The following HEATR6 variants were observed in gnomAD, a reference collection of about 807,000 sequenced individuals.
The protein encoded by HEATR6 is HEAT repeat containing 6.
A neutral mutation model predicts 132.8 loss-of-function variants in HEATR6; 106 were observed. The ratio of observed to expected loss-of-function variants is 0.80; its 90% CI spans 0.68 to 0.94. HEATR6 has a LOEUF of 0.94. Ranked by LOEUF, HEATR6 falls within the 40% of genes least tolerant of loss-of-function variation. The probability of loss-of-function intolerance (pLI) is 0.00; values close to 1 mark genes in which losing one functional copy is unlikely to be tolerated. For synonymous variants in HEATR6, 529 were observed against 537.8 expected (o/e 0.98, Z 0.23); for missense variants, 1,339 against 1,425.1 (o/e 0.94, Z 0.97).
In HEATR6 at chr17:60,066,839, C is replaced by T. The variant is rs149370307; in HGVS notation, c.1239-453G>A. On this transcript the variant is annotated intron_variant, in intron 8 of 19. Coordinates refer to ENST00000184956, the MANE Select transcript of HEATR6 (RefSeq NM_022070.5). ...TTAAGGAGATAACTATCACATGTTA[C>T]GAATAACACCAAGGCAGAAAAGGCT... Among the ~76,000 whole-genome samples, 287 of 152,186 alleles carry T rather than the reference C, an allele frequency of 1.9e-3. 2 individuals carry two copies. The highest frequency in any genetic ancestry group is 2.7e-3 in the Non-Finnish European group (183 of 68,010).
chr17:60,057,395 C>A lies in HEATR6; in HGVS notation c.1732G>T (p.Val578Phe). ...AAGAGTGTGAGACTTGACACACGAA[C>A]ATTAACATCTGTCAAAGGAAGCAGT... ...KPYIRHKDVN[V>F]RVSSLTLLGA... Residue 578 changes from valine to phenylalanine, a missense_variant, in exon 12 of 20, where the codon GTT becomes TTT. Physicochemically the swap from Val to Phe is conservative, Grantham distance 50 (BLOSUM62 -1). Transcript: ENST00000184956. 1 of 1,585,124 alleles carries A rather than the reference C, an allele frequency of 6.3e-7. No individual in the cohort carries two copies. Among genetic ancestry groups the A allele is most frequent in the East Asian group, 2.2e-5 (1 of 44,582 alleles).
chr17:60,057,485 A>C lies in HEATR6; in HGVS notation c.1724-82T>G, dbSNP rs1303553607. On this transcript the variant is annotated intron_variant, in intron 11 of 19. Coordinates refer to ENST00000184956, the MANE Select transcript of HEATR6 (RefSeq NM_022070.5). ...TAGTTATCCCAGCAGGCAATTAAAA[A>C]TTAGTAGTTCCTTGTGTAACCTGAA... is the stretch of plus-strand genomic sequence containing the variant. 4.3e-6 allele frequency: 4 copies of C among 920,222 alleles called. No homozygotes were observed. The Admixed American group carries it at 1.0e-4, about 24-fold the overall frequency. The allele number at this position is 920,222 out of a possible 1,614,324, so 57.0% of individuals were successfully genotyped here.
chr17:60,078,539 G>A (rs765668877), intron 1 of HEATR6, among the ~76,000 whole-genome samples, 157 bp downstream of exon 1: 8 of 152,178 alleles, frequency 5.3e-5, no homozygotes, highest in Non-Finnish European at 8.8e-5. Flanking sequence ...TCCAAATGGA[G>A]AACTAAGAAT....
chr17:60,045,951 A>T, intron 19 of HEATR6, 74 bp downstream of exon 19: 1 of 1,121,044 alleles, frequency 8.9e-7, no homozygotes, highest in Non-Finnish European at 1.3e-6. Context: ...TGTGACAAAC[A>T]TCTTTAACAA....
At position 60,052,649 on chromosome 17, in the gene HEATR6, A is replaced by C. The variant is rs576318276; in HGVS notation, c.2290-1672T>G. On this transcript the variant is annotated intron_variant, in intron 14 of 19. Transcript: ENST00000184956. ...ACTGCAAGGATGACAGAAATTGTGA[A>C]GGGAAAAGAATAGGCAGAATGCAAA... 4.6e-4 allele frequency among the ~76,000 whole-genome samples: 70 copies of C among 152,340 alleles called. No homozygotes were observed. The South Asian group carries it at 5.2e-3, about 11-fold the overall frequency.
intron 1 of HEATR6, 27 bp downstream of exon 1, chr17:60,078,669 C>G (rs1228114637): frequency 6.6e-7 from 1 of 1,521,026 alleles, no homozygotes; most frequent in East Asian, 2.5e-5. Flanking sequence ...GGGGCCGGGG[C>G]CGGGGCCAGC....
rs1418466486 is a variant in HEATR6 at position 60,050,879 on chromosome 17, CAG to C, written c.2386_2387del (p.Leu796ValfsTer14). The stretch of plus-strand genomic sequence containing the variant: ...TGAAGGCCTCTGGCAAGATGGAAGA[CAG>C]GGCATCACAGGCGCTCGCCTGGAGA... ...PTLQASACDA[L>X]SSILPEAFSN... is the part of the protein sequence containing the mutation. On this transcript the variant is annotated frameshift_variant, in exon 15 of 20. Transcript: ENST00000184956. LOFTEE classifies it high-confidence loss of function. The C allele has an allele frequency of 1.9e-6, 3 of 1,614,084 alleles. No homozygotes were observed. The highest frequency in any genetic ancestry group is 1.3e-5 in the African/African-American group (1 of 74,934).
At chr17:60,045,909 T>C (rs1195269243) in intron 19 of HEATR6, 116 bp downstream of exon 19, 2 of 751,032 alleles carry the variant, frequency 2.7e-6, no homozygotes, top group African/African-American at 3.5e-5. Flanking sequence ...TCAGTATGTC[T>C]CCATTTTTTC....
At chr17:60,073,677 G>A in intron 3 of HEATR6, 69 bp downstream of exon 3, 1 of 1,468,072 alleles carries the variant, frequency 6.8e-7, no homozygotes, top group South Asian at 1.2e-5. Flanking sequence ...ATAGAAACCT[G>A]AACACAGTGT....
chr17:60,054,349 C>T (rs1223516168), intron 14 of HEATR6, among the ~76,000 whole-genome samples: 1 of 152,256 alleles, frequency 6.6e-6, no homozygotes, highest in African/African-American at 2.4e-5. Context: ...AAGCCTGCCA[C>T]AGGGACAGAG....
At position 60,059,527 on chromosome 17, in the gene HEATR6, A is replaced by G; in HGVS notation, c.1624-6T>C. On this transcript the variant is annotated splice_polypyrimidine_tract_variant and splice_region_variant and intron_variant, in intron 10 of 19. Transcript: ENST00000184956. The stretch of plus-strand genomic sequence containing the variant: ...GATACTAAATTTGCAAGGCACTGTA[A>G]AACACAAAAAGTAGCTCATCAAAAG... 1 of 1,596,032 alleles carries G rather than the reference A, an allele frequency of 6.3e-7. No individual in the cohort carries two copies. The highest frequency in any genetic ancestry group is 8.6e-7 in the Non-Finnish European group (1 of 1,166,680).
intron 14 of HEATR6, among the ~76,000 whole-genome samples, chr17:60,055,259 G>GT (rs1906705993): frequency 6.6e-6 from 1 of 151,990 alleles, no homozygotes; most frequent in Non-Finnish European, 1.5e-5. Context: ...AAAAAACTAG[G>GT]TTTTATGCAA....
intron 2 of HEATR6, 24 bp from the exon 3 acceptor site, chr17:60,073,910 T>C (rs367772515): frequency 1.2e-6 from 2 of 1,606,122 alleles, no homozygotes; most frequent in Non-Finnish European, 1.7e-6. Flanking sequence ...AAAAGATATA[T>C]TCTGATCTAA....
chr17:60,055,238 C>G (rs569719395), intron 14 of HEATR6, among the ~76,000 whole-genome samples: 18 of 152,252 alleles, frequency 1.2e-4, no homozygotes, highest in African/African-American at 4.1e-4. Context: ...CCAGATAAAC[C>G]TCTTTTGCAT....
At chr17:60,073,333 A>G in intron 3 of HEATR6, 54 bp from the exon 4 acceptor site, 1 of 1,045,840 alleles carries the variant, frequency 9.6e-7, no homozygotes, top group Non-Finnish European at 1.5e-6. Flanking sequence ...GGAAAATATT[A>G]TGTTTTAGAC....
chr17:60,062,427 G>A (rs928847197), intron 9 of HEATR6, among the ~76,000 whole-genome samples: 5 of 152,210 alleles, frequency 3.3e-5, no homozygotes, highest in African/African-American at 1.2e-4. Flanking sequence ...TGGACATGAA[G>A]ACTTGTCTAA....
chr17:60,072,862 C>T (rs140503281), intron 4 of HEATR6, among the ~76,000 whole-genome samples: 120 of 152,222 alleles, frequency 7.9e-4, no homozygotes, highest in African/African-American at 2.7e-3. Flanking sequence ...TGAATATATC[C>T]TTCTAAAAAC....
At chr17:60,070,963 T>A (rs776779765) in intron 5 of HEATR6, among the ~76,000 whole-genome samples, 156 bp from the exon 6 acceptor site, 2 of 151,948 alleles carry the variant, frequency 1.3e-5, no homozygotes, top group Non-Finnish European at 2.9e-5. Flanking sequence ...AAAGCAGAAA[T>A]GAAGATCTAA....
intron 12 of HEATR6, 99 bp downstream of exon 12, chr17:60,056,949 A>G (rs1906762210): frequency 2.5e-6 from 2 of 787,316 alleles, no homozygotes; most frequent in East Asian, 5.2e-5. Context: ...CACGAACACA[A>G]TTGACATATG....
Sources: allele counts gnomAD v4.1 joint callset (sites outside exome capture counted in the v4.1 genomes callset), GRCh38; gene constraint gnomAD v4.1.1; transcripts MANE v1.5; gene names NCBI Gene and HGNC (gene_info 2026-07-23, HGNC 2026-07-21).